ADGRL3: variants seen among roughly 807,000 people sequenced by gnomAD.
The protein encoded by ADGRL3 is adhesion G protein-coupled receptor L3.
In ADGRL3, 62 loss-of-function variants were observed where a neutral mutation model predicts 153.5. The ratio of observed to expected loss-of-function variants is 0.40; its 90% CI spans 0.33 to 0.50. The LOEUF (loss-of-function observed/expected upper bound fraction) is 0.50, where lower values mean the gene tolerates loss of function less well. Ranked by LOEUF, ADGRL3 falls within the 20% of genes least tolerant of loss-of-function variation. The pLI, the probability that ADGRL3 is intolerant of heterozygous loss-of-function variation, is 0.47. For missense variants in ADGRL3, 1,641 were observed against 1,859.4 expected (o/e 0.88, Z 2.16); for synonymous variants, 710 against 672.5 (o/e 1.06, Z -0.86).
chr4:61,870,734 A>G (rs1171906067), intron 9 of ADGRL3, among the ~76,000 whole-genome samples: 3 of 152,188 alleles, frequency 2.0e-5, no homozygotes, highest in African/African-American at 4.8e-5. Context: ...AATCAAAACT[A>G]TAATGCAATA....
At chr4:61,276,693 A>G (rs1251286924) in intron 1 of ADGRL3, among the ~76,000 whole-genome samples, 1 of 151,938 alleles carries the variant, frequency 6.6e-6, no homozygotes, top group East Asian at 1.9e-4. Flanking sequence ...CAGTCTTCCC[A>G]TTTTGTTTTT....
At chr4:61,441,432 C>T (rs2097527136) in intron 2 of ADGRL3, among the ~76,000 whole-genome samples, 1 of 152,136 alleles carries the variant, frequency 6.6e-6, no homozygotes, top group African/African-American at 2.4e-5. Flanking sequence ...CTCACAACTT[C>T]AGTCAAGCTA....
At chr4:61,590,989 A>G (rs916322614) in intron 5 of ADGRL3, among the ~76,000 whole-genome samples, 5 of 152,176 alleles carry the variant, frequency 3.3e-5, no homozygotes, top group Non-Finnish European at 7.3e-5. Flanking sequence ...TCATACGTGT[A>G]CACCTCAATG....
In ADGRL3 at chr4:62,072,439, G is replaced by T. The variant is rs1745984623; in HGVS notation, c.*1531G>T. The T allele has an allele frequency of 6.6e-6, 1 of 152,510 alleles. No individual in the cohort carries two copies. The highest frequency in any genetic ancestry group is 6.6e-5 in the Admixed American group (1 of 15,262). 9.4% of individuals were successfully genotyped at this position (152,510 alleles called of 1,614,324 possible). A position where few individuals can be genotyped will look rare whatever the true frequency, so the allele number is the denominator to read the frequency against. ...CCAATAAACAACTGATTGAGATTTA[G>T]AAGATATTGTATTGATGTATGTACT... On this transcript the variant is annotated 3_prime_UTR_variant, in exon 27 of 27. Coordinates refer to ENST00000683033, the MANE Select transcript of ADGRL3 (RefSeq NM_001387552.1).
At chr4:62,054,523 C>A (rs1438593088) in intron 25 of ADGRL3, among the ~76,000 whole-genome samples, 1 of 151,398 alleles carries the variant, frequency 6.6e-6, no homozygotes, top group Non-Finnish European at 1.5e-5. Context: ...TGTTGTGTTG[C>A]ATAATATGGA....
intron 2 of ADGRL3, among the ~76,000 whole-genome samples, chr4:61,402,827 T>G (rs1007650874): frequency 6.6e-6 from 1 of 152,108 alleles, no homozygotes; most frequent in African/African-American, 2.4e-5. Context: ...ATTCATTCAT[T>G]TATTCATTTA....
At chr4:61,362,450 G>T (rs2096301612) in intron 1 of ADGRL3, among the ~76,000 whole-genome samples, 1 of 151,870 alleles carries the variant, frequency 6.6e-6, no homozygotes, top group Non-Finnish European at 1.5e-5. Flanking sequence ...GAAAATCTGA[G>T]AATAACTTCT....
At chr4:61,875,767 A>G (rs954984035) in intron 9 of ADGRL3, among the ~76,000 whole-genome samples, 3 of 152,134 alleles carry the variant, frequency 2.0e-5, no homozygotes, top group Non-Finnish European at 4.4e-5. Context: ...TATTTTATCT[A>G]TTTGATTTGT....
At chr4:61,911,634 CG>C (rs2098722347) in intron 12 of ADGRL3, among the ~76,000 whole-genome samples, 1 of 152,102 alleles carries the variant, frequency 6.6e-6, no homozygotes, top group Admixed American at 6.6e-5. Context: ...CTGCAAACCA[CG>C]ATGCAAGTCA....
At position 61,617,960 on chromosome 4, in the gene ADGRL3, T is replaced by C. The variant is rs1191806500; in HGVS notation, c.473+30520T>C. 2.0e-5 allele frequency among the ~76,000 whole-genome samples: 3 copies of C among 152,178 alleles called. No individual in the cohort carries two copies. The South Asian group carries it at 6.2e-4, about 32-fold the overall frequency. On this transcript the variant is annotated intron_variant, in intron 5 of 26. Coordinates refer to ENST00000683033, the MANE Select transcript of ADGRL3 (RefSeq NM_001387552.1). Reference sequence around the variant, plus strand: ...TGAACATAGGTTGGATAGCTACTGTTTGAAATATTTAATACTGGACTGAGT... The same window carrying C: ...TGAACATAGGTTGGATAGCTACTGTCTGAAATATTTAATACTGGACTGAGT...
In ADGRL3 at chr4:61,517,512, G is replaced by C; in HGVS notation, c.253G>C (p.Ala85Pro). 1 of 707,366 alleles carries C rather than the reference G, an allele frequency of 1.4e-6. No homozygotes were observed. Among genetic ancestry groups the C allele is most frequent in the Non-Finnish European group, 2.6e-6 (1 of 390,038 alleles). 43.8% of individuals were successfully genotyped at this position (707,366 alleles called of 1,614,324 possible). ...AGGTGCCCAAGGAGCACAGATTGCA[G>C]CGCAAGGTGCGGCCAGCGGTGGGGA... Reference protein sequence around the residue: ...GPGAQGAQIAAQAFSRAPIPM... With the variant: ...GPGAQGAQIAPQAFSRAPIPM... The change falls in exon 4 of 27, where the codon GCG (alanine) becomes CCG (proline). Residue 85 changes from alanine to proline, a missense_variant. This residue lies in a region of ADGRL3 where 145 missense variants were observed against 79.1 expected (regional missense o/e 1.83). Coordinates refer to ENST00000683033, the MANE Select transcript of ADGRL3 (RefSeq NM_001387552.1).
intron 22 of ADGRL3, among the ~76,000 whole-genome samples, chr4:62,030,946 A>G (rs1332602257): frequency 6.6e-6 from 1 of 151,562 alleles, no homozygotes; most frequent in Non-Finnish European, 1.5e-5. Flanking sequence ...AAATCCATGT[A>G]TTTCCTCCTA....
At chr4:61,580,600 A>G (rs745871655) in intron 4 of ADGRL3, among the ~76,000 whole-genome samples, 3 of 152,070 alleles carry the variant, frequency 2.0e-5, no homozygotes, top group Non-Finnish European at 4.4e-5. Flanking sequence ...TTAGGAGTCC[A>G]GGAGTAGTTT....
chr4:61,634,586 A>T (rs1400709166), intron 5 of ADGRL3, among the ~76,000 whole-genome samples: 1 of 152,192 alleles, frequency 6.6e-6, no homozygotes, highest in African/African-American at 2.4e-5. Flanking sequence ...GCCCTAGAAC[A>T]TCAAAACACA....
At chr4:61,651,055 T>C (rs1443727753) in intron 5 of ADGRL3, among the ~76,000 whole-genome samples, 1 of 152,150 alleles carries the variant, frequency 6.6e-6, no homozygotes, top group Non-Finnish European at 1.5e-5. Flanking sequence ...TCAGCCTCAA[T>C]TCTTATGATT....
chr4:62,068,377 T>G (rs1456896638), intron 26 of ADGRL3, among the ~76,000 whole-genome samples, 194 bp downstream of exon 26: 1 of 152,192 alleles, frequency 6.6e-6, no homozygotes, highest in Admixed American at 6.6e-5. Context: ...TCTTTTATTG[T>G]CACATAATCA....
At chr4:61,247,910 G>A (rs748746546) in intron 1 of ADGRL3, among the ~76,000 whole-genome samples, 18 of 151,954 alleles carry the variant, frequency 1.2e-4, no homozygotes, top group Non-Finnish European at 1.5e-4. Flanking sequence ...ATGTTTCCTT[G>A]CTCGTAGAGT....
rs545112505 is a variant in ADGRL3 at position 61,520,652 on chromosome 4, C to CTGTGTGTGTGTGTGTGTGTGTGTGTG, written c.259+3142_259+3167dup. On this transcript the variant is annotated intron_variant, in intron 4 of 26. Transcript: ENST00000683033. ...TAGATGAGGAGGCTTCTATAAACCTCTGTGTGTGTGTGTGTGTGTGTGTGT... is the reference window on the plus strand; with the variant it reads ...TAGATGAGGAGGCTTCTATAAACCTCTGTGTGTGTGTGTGTGTGTGTGTGTGTGTGTGTGTGTGTGTGTGTGTGTGT... 1.9e-3 allele frequency among the ~76,000 whole-genome samples: 222 copies of CTGTGTGTGTGTGTGTGTGTGTGTGTG among 118,498 alleles called. 3 individuals carry two copies. Among genetic ancestry groups the CTGTGTGTGTGTGTGTGTGTGTGTGTG allele is most frequent in the Admixed American group, 0.013 (149 of 11,780 alleles). The allele number at this position is 118,498 out of a possible 152,430, so 77.7% of individuals were successfully genotyped here.
chr4:61,447,445 G>T (rs1008577191), intron 2 of ADGRL3, among the ~76,000 whole-genome samples: 1 of 152,198 alleles, frequency 6.6e-6, no homozygotes, highest in Non-Finnish European at 1.5e-5. Context: ...TTTTGGATTG[G>T]ATTTCTTGAG....
Sources: allele counts gnomAD v4.1 joint callset (sites outside exome capture counted in the v4.1 genomes callset), GRCh38; gene constraint gnomAD v4.1.1; regional missense constraint gnomAD v4.1.1; transcripts MANE v1.5; gene names NCBI Gene and HGNC (gene_info 2026-07-23, HGNC 2026-07-21).